KIF21A: variants seen among roughly 807,000 people sequenced by gnomAD.
KIF21A encodes the protein kinesin family member 21A.
Under a neutral mutation model 202.9 loss-of-function variants are expected in KIF21A, and 114 were observed. The ratio of observed to expected loss-of-function variants is 0.56; its 90% CI spans 0.48 to 0.66. The LOEUF is 0.66. KIF21A is among the 30% of genes least tolerant of loss of function. The pLI, the probability that KIF21A is intolerant of heterozygous loss-of-function variation, is 0.00. For missense variants in KIF21A, 1,677 were observed against 1,994.9 expected, an observed-to-expected ratio of 0.84 and a Z score of 3.04; for synonymous variants, 667 against 670.8, an observed-to-expected ratio of 0.99 and a Z score of 0.09.
chr12:39,326,457 A>T, intron 24 of KIF21A, 133 bp from the exon 25 acceptor site: 1 of 700,446 alleles, frequency 1.4e-6, no homozygotes, highest in South Asian at 1.5e-5. Context: ...GCTGAATCTA[A>T]ATAGACAGAA....
intron 31 of KIF21A, among the ~76,000 whole-genome samples, chr12:39,312,979 G>A (rs766003065): frequency 2.6e-5 from 4 of 151,782 alleles, no homozygotes; most frequent in Non-Finnish European, 5.9e-5. Context: ...ACAAATATAA[G>A]GATAAAGGAA....
At chr12:39,323,834 G>A (rs1274220418) in intron 26 of KIF21A, among the ~76,000 whole-genome samples, 2 of 152,084 alleles carry the variant, frequency 1.3e-5, no homozygotes, top group African/African-American at 4.8e-5. Flanking sequence ...GATCCGGCAG[G>A]GTGCGGTGGC....
chr12:39,419,153 C>G (rs1401314762), intron 1 of KIF21A, among the ~76,000 whole-genome samples: 5 of 152,190 alleles, frequency 3.3e-5, no homozygotes, highest in East Asian at 1.9e-4. Context: ...AGTACTGGCT[C>G]TCTTCTGAAA....
Position 39,320,582 on chromosome 12 carries a change from A to C in KIF21A, c.3672-569T>G, listed in dbSNP as rs528953965. On this transcript the variant is annotated intron_variant, in intron 27 of 37. Coordinates refer to ENST00000361418, the MANE Select transcript of KIF21A (RefSeq NM_001173464.2). Reference sequence around the variant, plus strand: ...TTTAAATGCCAAATGTCTGCTTGTAATTAAAAATTCAAGAAAATAATTTTT... The same window carrying C: ...TTTAAATGCCAAATGTCTGCTTGTACTTAAAAATTCAAGAAAATAATTTTT... 2.0e-5 allele frequency among the ~76,000 whole-genome samples: 3 copies of C among 152,126 alleles called. No individual in the cohort carries two copies. In the South Asian group the frequency reaches 6.2e-4, roughly 32 times the overall value.
At chr12:39,334,369 AT>A (rs764810362) in intron 17 of KIF21A, among the ~76,000 whole-genome samples, 18 of 152,140 alleles carry the variant, frequency 1.2e-4, no homozygotes, top group Non-Finnish European at 2.5e-4. Flanking sequence ...AAATTCTGTT[AT>A]TTAACAAATA....
At chr12:39,342,986 A>G (rs1947571075) in intron 12 of KIF21A, among the ~76,000 whole-genome samples, 1 of 152,256 alleles carries the variant, frequency 6.6e-6, no homozygotes, top group Non-Finnish European at 1.5e-5. Flanking sequence ...AACTATGCAC[A>G]GAAATTACAC....
At chr12:39,418,473 T>C (rs1420266362) in intron 1 of KIF21A, among the ~76,000 whole-genome samples, 5 of 152,376 alleles carry the variant, frequency 3.3e-5, no homozygotes, top group African/African-American at 1.2e-4. Context: ...TAGAATTTTC[T>C]GAGTTCATTA....
intron 1 of KIF21A, among the ~76,000 whole-genome samples, chr12:39,423,064 G>C (rs1954433810): frequency 6.6e-6 from 1 of 152,222 alleles, no homozygotes; most frequent in African/African-American, 2.4e-5. Context: ...TGTGTTTAGA[G>C]TTGGGAACAG....
intron 1 of KIF21A, among the ~76,000 whole-genome samples, chr12:39,383,185 T>C (rs1290805482): frequency 1.3e-5 from 2 of 152,246 alleles, no homozygotes; most frequent in African/African-American, 2.4e-5. Flanking sequence ...TTAATCCTCT[T>C]CTTGAATTGA....
At position 39,330,225 on chromosome 12, in the gene KIF21A, A is replaced by G. The variant is rs1402542122; in HGVS notation, c.3340+17T>C. On this transcript the variant is annotated intron_variant, in intron 24 of 37. Coordinates refer to ENST00000361418, the MANE Select transcript of KIF21A (RefSeq NM_001173464.2). ...TTCATGCAGCTGTAGGATACACAGAAAGCTAAACATACTTACCTAATGGTA... is the reference window on the plus strand; with the variant it reads ...TTCATGCAGCTGTAGGATACACAGAGAGCTAAACATACTTACCTAATGGTA... The G allele has an allele frequency of 1.9e-6, 3 of 1,607,936 alleles. No homozygotes were observed. Among genetic ancestry groups the G allele is most frequent in the South Asian group, 1.1e-5 (1 of 90,966 alleles).
At chr12:39,344,459 T>C (rs1041017079) in intron 12 of KIF21A, among the ~76,000 whole-genome samples, 1 of 152,184 alleles carries the variant, frequency 6.6e-6, no homozygotes, top group Non-Finnish European at 1.5e-5. Flanking sequence ...AGAATACAGT[T>C]TTCATTATTC....
intron 5 of KIF21A, 29 bp downstream of exon 5, chr12:39,367,001 A>T (rs1251812351): frequency 6.2e-7 from 1 of 1,602,718 alleles, no homozygotes; most frequent in Admixed American, 1.7e-5. Context: ...AAAAATTGAA[A>T]GTTTAAGAAA....
intron 1 of KIF21A, among the ~76,000 whole-genome samples, chr12:39,424,150 G>C (rs1159152435): frequency 8.5e-6 from 1 of 118,160 alleles, no homozygotes. Flanking sequence ...CACTAAAGCA[G>C]CTCATATTTG....
chr12:39,401,184 C>T (rs1310140677), intron 1 of KIF21A, among the ~76,000 whole-genome samples: 1 of 152,022 alleles, frequency 6.6e-6, no homozygotes, highest in Non-Finnish European at 1.5e-5. Flanking sequence ...ATCATAAGTG[C>T]TCTAGGAACC....
intron 1 of KIF21A, among the ~76,000 whole-genome samples, chr12:39,412,833 C>T (rs2140079418): frequency 6.6e-6 from 1 of 152,252 alleles, no homozygotes; most frequent in South Asian, 2.1e-4. Flanking sequence ...CACGTCAAGC[C>T]CTCAAAGATA....
chr12:39,309,240 T>C (rs1344542080), intron 33 of KIF21A, among the ~76,000 whole-genome samples: 1 of 152,154 alleles, frequency 6.6e-6, no homozygotes, highest in Non-Finnish European at 1.5e-5. Flanking sequence ...GAATGGTAGT[T>C]ATTTGAAGCA....
chr12:39,425,542 G>A (rs1954675547), intron 1 of KIF21A, among the ~76,000 whole-genome samples: 1 of 151,892 alleles, frequency 6.6e-6, no homozygotes, highest in African/African-American at 2.4e-5. Flanking sequence ...ACAATGAATT[G>A]GAGGAGGAAT....
intron 6 of KIF21A, among the ~76,000 whole-genome samples, chr12:39,364,957 A>G (rs1030890366): frequency 6.6e-6 from 1 of 152,162 alleles, no homozygotes. Flanking sequence ...AGCCTCCCCA[A>G]TTGCTCCTAT....
At chr12:39,323,677 G>A (rs1592144303) in intron 26 of KIF21A, among the ~76,000 whole-genome samples, 1 of 152,130 alleles carries the variant, frequency 6.6e-6, no homozygotes, top group African/African-American at 2.4e-5. Flanking sequence ...ATAATCAAGT[G>A]TTTTACCAGA....
Sources: gnomAD v4.1 joint callset for allele counts (sites outside exome capture counted in the v4.1 genomes callset) on GRCh38, gnomAD v4.1.1 for gene constraint, MANE v1.5 for transcripts, NCBI Gene and HGNC (gene_info 2026-07-23, HGNC 2026-07-21) for gene names.